The following PCDHGB4 variants were observed in gnomAD, a reference collection of about 807,000 sequenced individuals.
PCDHGB4 encodes protocadherin gamma-B4.
Under a neutral mutation model 60.5 loss-of-function variants are expected in PCDHGB4, and 38 were observed. The observed-to-expected ratio is 0.63, with a 90% CI of 0.48 to 0.82. The LOEUF (loss-of-function observed/expected upper bound fraction) is 0.82. Ranked by LOEUF, PCDHGB4 falls within the 40% of genes least tolerant of loss-of-function variation. The pLI is 0.00. For missense variants in PCDHGB4, 1,109 were observed against 1,209.6 expected, an observed-to-expected ratio of 0.92 and a Z score of 1.23; for synonymous variants, 456 against 509.7, an observed-to-expected ratio of 0.89 and a Z score of 1.42.
intron 1 of PCDHGB4, among the ~76,000 whole-genome samples, chr5:141,420,877 G>T (rs566962587): frequency 3.9e-5 from 6 of 152,338 alleles, no homozygotes; most frequent in African/African-American, 1.4e-4. Context: ...TGTAAGTATT[G>T]TGTATCATCG....
chr5:141,490,180 C>T lies in PCDHGB4; in HGVS notation c.2398-4627C>T, dbSNP rs747366205. On this transcript the variant is annotated intron_variant, in intron 1 of 3. Coordinates refer to ENST00000519479, the MANE Select transcript of PCDHGB4 (RefSeq NM_003736.4). This position sits in a 1 kb window ranked among gnomAD's most constrained non-coding sequence, Gnocchi z 5.4. ...GGGTCCCATAGACTTTGAGGAGTCACGTTTCTATGAAATTCATGCAAGAGC... is the reference window on the plus strand; with the variant it reads ...GGGTCCCATAGACTTTGAGGAGTCATGTTTCTATGAAATTCATGCAAGAGC... 3 of 1,614,208 alleles carry T rather than the reference C, an allele frequency of 1.9e-6. No individual in the cohort carries two copies. Among genetic ancestry groups the T allele is most frequent in the East Asian group, 2.2e-5 (1 of 44,882 alleles).
At chr5:141,450,810 AT>A (rs755484062) in intron 1 of PCDHGB4, among the ~76,000 whole-genome samples, 1 of 136,728 alleles carries the variant, frequency 7.3e-6, no homozygotes, top group Admixed American at 7.3e-5. Context: ...TTATTTATTT[AT>A]TTAATATTAT....
intron 1 of PCDHGB4, chr5:141,416,504 C>G (rs966090979): frequency 1.3e-5 from 2 of 152,040 alleles, no homozygotes; most frequent in African/African-American, 4.8e-5. Flanking sequence ...AGATATATGA[C>G]AAAGCTATTT....
Position 141,388,800 on chromosome 5 carries a change from G to T in PCDHGB4, c.916G>T (p.Asp306Tyr), listed in dbSNP as rs1193679536. 1 of 1,613,896 alleles carries T rather than the reference G, an allele frequency of 6.2e-7. No homozygotes were observed. Among genetic ancestry groups the T allele is most frequent in the Non-Finnish European group, 8.5e-7 (1 of 1,179,840 alleles). ...GGAAATTACTGTTTTAAATACATTAGATTTTGAAGAAGTCAAAGAATATTC... is the reference window on the plus strand; with the variant it reads ...GGAAATTACTGTTTTAAATACATTATATTTTGAAGAAGTCAAAGAATATTC... ...TGEITVLNTL[D>Y]FEEVKEYSIV... Residue 306 changes from aspartate (D) to tyrosine (Y), a missense_variant, in exon 1 of 4, where the codon GAT becomes TAT. Transcript: ENST00000519479.
At position 141,491,660 on chromosome 5, in the gene PCDHGB4, C is replaced by G; in HGVS notation, c.2398-3147C>G. 6.2e-7 allele frequency: 1 copy of G among 1,613,810 alleles called. No individual in the cohort carries two copies. ...ACAGCTCTGGCGCTGGAGCCTGACG[C>G]CATCCGGTCCCGCTCTAATACGCTG... is the stretch of plus-strand genomic sequence containing the variant. On this transcript the variant is annotated intron_variant, in intron 1 of 3. Transcript: ENST00000519479. The surrounding 1 kb of genome is among the most constrained non-coding windows in gnomAD (Gnocchi z 6.9).
rs756294828 is a variant in PCDHGB4, at chr5:141,417,904, G to A, written c.2397+27623G>A. 2.5e-6 allele frequency: 4 copies of A among 1,591,934 alleles called. No homozygotes were observed. The South Asian group carries it at 3.4e-5, about 13-fold the overall frequency. On this transcript the variant is annotated intron_variant, in intron 1 of 3. Transcript: ENST00000519479. Reference sequence around the variant, plus strand: ...AGAGGCGCCGGGCCGGCCCGCGGCAGGTACTATTTCCTTTGCTGCTGCCTT... The same window carrying A: ...AGAGGCGCCGGGCCGGCCCGCGGCAAGTACTATTTCCTTTGCTGCTGCCTT...
chr5:141,451,606 G>A (rs2098720118), intron 1 of PCDHGB4, among the ~76,000 whole-genome samples: 1 of 152,152 alleles, frequency 6.6e-6, no homozygotes, highest in Admixed American at 6.5e-5. Flanking sequence ...ACAAGGCTAG[G>A]CATGGTGGCT....
chr5:141,498,390 T>C (rs2099783500), intron 2 of PCDHGB4, among the ~76,000 whole-genome samples: 1 of 151,982 alleles, frequency 6.6e-6, no homozygotes, highest in Non-Finnish European at 1.5e-5. Context: ...ATCAAGGGAA[T>C]GGCAGGGAGT....
rs558944208 is a variant in PCDHGB4, at chr5:141,478,187, A to G, written c.2398-16620A>G. On this transcript the variant is annotated intron_variant, in intron 1 of 3. Coordinates refer to ENST00000519479, the MANE Select transcript of PCDHGB4 (RefSeq NM_003736.4). ...CCCCCGGGAGCAGAAAAAAAATCTC[A>G]CCTTTTATCTACTTCTTTCTCTAAT... is the stretch of plus-strand genomic sequence containing the variant. The G allele has an allele frequency of 2.9e-5, 46 of 1,613,548 alleles. No individual in the cohort carries two copies. The highest frequency in any genetic ancestry group is 3.9e-5 in the Non-Finnish European group (46 of 1,179,954).
At position 141,388,007 on chromosome 5, in the gene PCDHGB4, G is replaced by A. The variant is rs2091194433; in HGVS notation, c.123G>A (p.Met41Ile). The A allele has an allele frequency of 6.8e-7, 1 of 1,480,702 alleles. No individual in the cohort carries two copies. The highest frequency in any genetic ancestry group is 9.1e-7 in the Non-Finnish European group (1 of 1,094,470). The allele number at this position is 1,480,702 out of a possible 1,614,324, so 91.7% of individuals were successfully genotyped here. ...EQIRYRIPEEMPKGSVVGNLA... is the reference protein window; with the variant it reads ...EQIRYRIPEEIPKGSVVGNLA... ...TCCGCTACAGGATTCCCGAGGAAAT[G>A]CCCAAGGGCTCCGTAGTGGGGAACC... Residue 41 changes from methionine (M) to isoleucine (I), a missense_variant, in exon 1 of 4, where the codon ATG becomes ATA. By Grantham distance (10) the Met-to-Ile change is conservative. Around this residue, in one of 2 missense-constraint regions of PCDHGB4, gnomAD observed 41 missense variants for 119.7 expected, o/e 0.34. Transcript: ENST00000519479.
chr5:141,438,368 G>A (rs1216571092), intron 1 of PCDHGB4, among the ~76,000 whole-genome samples: 2 of 151,558 alleles, frequency 1.3e-5, no homozygotes, highest in African/African-American at 4.8e-5. Context: ...GTCATTGAGG[G>A]CAGATATAAT....
intron 1 of PCDHGB4, among the ~76,000 whole-genome samples, chr5:141,446,182 G>A (rs1411996595): frequency 6.6e-6 from 1 of 152,118 alleles, no homozygotes; most frequent in African/African-American, 2.4e-5. Flanking sequence ...GGGGTGTTTT[G>A]TTTATTATTA....
At chr5:141,461,009 A>T (rs1407993113) in intron 1 of PCDHGB4, among the ~76,000 whole-genome samples, 1 of 151,542 alleles carries the variant, frequency 6.6e-6, no homozygotes, top group Admixed American at 6.6e-5. Flanking sequence ...GTATATATAT[A>T]TACCACATTT....
intron 1 of PCDHGB4, among the ~76,000 whole-genome samples, chr5:141,439,557 A>C (rs766239185): frequency 1.2e-4 from 19 of 152,178 alleles, no homozygotes; most frequent in Non-Finnish European, 2.2e-4. Context: ...TTCAGGCTGC[A>C]GTTCTAGAGT....
chr5:141,510,510 G>A (rs1042950478), intron 3 of PCDHGB4, among the ~76,000 whole-genome samples: 5 of 152,132 alleles, frequency 3.3e-5, no homozygotes, highest in Non-Finnish European at 5.9e-5. Context: ...CTGAGAGCCC[G>A]TGTCACAGCC....
At chr5:141,405,457 T>TC in intron 1 of PCDHGB4, 3 of 1,256,668 alleles carry the variant, frequency 2.4e-6, no homozygotes, top group South Asian at 1.4e-5. Context: ...TCTTACTCTG[T>TC]TACCCAGGCT....
chr5:141,511,093 G>A lies in PCDHGB4; in HGVS notation c.2692G>A (p.Ala898Thr), dbSNP rs377350933. The change falls in exon 4 of 4, where the codon GCA (alanine) becomes ACA (threonine). Residue 898 changes from alanine to threonine, a missense_variant. Physicochemically the swap from Ala to Thr is moderately conservative, Grantham distance 58. Coordinates refer to ENST00000519479, the MANE Select transcript of PCDHGB4 (RefSeq NM_003736.4). Reference protein sequence around the residue: ...IPGSNATLTNAAGKRDGKAPA... With the variant: ...IPGSNATLTNTAGKRDGKAPA... ...AGGCAGCAATGCCACACTGACCAACGCAGCTGGCAAGCGGGATGGCAAGGC... is the reference window on the plus strand; with the variant it reads ...AGGCAGCAATGCCACACTGACCAACACAGCTGGCAAGCGGGATGGCAAGGC... 8 of 1,614,072 alleles carry A rather than the reference G, an allele frequency of 5.0e-6. No individual in the cohort carries two copies. Among genetic ancestry groups the A allele is most frequent in the African/African-American group, 4.0e-5 (3 of 74,916 alleles).
At chr5:141,420,175 T>C (rs901184536) in intron 1 of PCDHGB4, 6 of 1,614,004 alleles carry the variant, frequency 3.7e-6, no homozygotes, top group Non-Finnish European at 5.1e-6. Context: ...CATCTGTTGA[T>C]CATTGTCCAG....
chr5:141,415,740 GTTTTTTTTTTTTTTTTT>G (rs57426385), intron 1 of PCDHGB4: 62 of 625,030 alleles, frequency 9.9e-5, no homozygotes, highest in East Asian at 4.1e-4. Flanking sequence ...GTTTATTAAG[GTTTTTTTTTTTTTTTTT>G]TTTTTTTTTT....
Sources: allele counts gnomAD v4.1 joint callset (sites outside exome capture counted in the v4.1 genomes callset), GRCh38; gene constraint gnomAD v4.1.1; regional missense constraint gnomAD v4.1.1; non-coding constraint Gnocchi (gnomAD v3.1); transcripts MANE v1.5; gene names NCBI Gene and HGNC (gene_info 2026-07-23, HGNC 2026-07-21).